The following LRFN2 variants were observed in gnomAD, a reference collection of about 807,000 sequenced individuals.
LRFN2 encodes leucine-rich repeat and fibronectin type-III domain-containing protein 2.
Under a neutral mutation model 37.3 loss-of-function variants are expected in LRFN2, and 18 were observed. The ratio of observed to expected loss-of-function variants is 0.48; its 90% CI spans 0.33 to 0.72. LRFN2 has a LOEUF of 0.72. Among genes scored for constraint, LRFN2 ranks in the 30% least tolerant of loss-of-function variants. LRFN2 has a pLI of 0.02. For synonymous variants in LRFN2, 556 were observed against 466.6 expected (o/e 1.19, Z -2.47); for missense variants, 1,006 against 1,060.7 (o/e 0.95, Z 0.72).
chr6:40,576,797 G>A (rs1458586005), intron 1 of LRFN2, among the ~76,000 whole-genome samples: 4 of 152,084 alleles, frequency 2.6e-5, no homozygotes, highest in Admixed American at 2.0e-4. Context: ...TGGCTGGGAG[G>A]CCTGGGCTTC....
intron 1 of LRFN2, among the ~76,000 whole-genome samples, chr6:40,505,757 C>G (rs1019376160): frequency 2.6e-5 from 4 of 152,186 alleles, no homozygotes; most frequent in African/African-American, 9.7e-5. Flanking sequence ...ACAGGTCTCA[C>G]CTATCTTCCC....
intron 1 of LRFN2, among the ~76,000 whole-genome samples, chr6:40,570,436 G>T (rs529916871): frequency 6.6e-6 from 1 of 152,278 alleles, no homozygotes; most frequent in East Asian, 1.9e-4. Context: ...GAGAGATAAA[G>T]CAACTTCCCC....
In LRFN2 at chr6:40,516,671, C is replaced by T. The variant is rs377702197; in HGVS notation, c.-19+70270G>A. ...AGTCCCACCTCCCTGACCTCATTCC[C>T]GCCACAGCTATCTCTCTCACACACC... On this transcript the variant is annotated intron_variant, in intron 1 of 2. Transcript: ENST00000338305. Among the ~76,000 whole-genome samples the T allele has an allele frequency of 1.1e-4, 17 of 152,298 alleles. No homozygotes were observed. The East Asian group carries it at 1.7e-3, about 16-fold the overall frequency.
intron 1 of LRFN2, among the ~76,000 whole-genome samples, chr6:40,490,005 C>T (rs1293514269): frequency 1.3e-5 from 2 of 152,176 alleles, no homozygotes; most frequent in Non-Finnish European, 2.9e-5. Flanking sequence ...TCTCTGCCTG[C>T]AGCAGAGGGA....
chr6:40,478,750 A>T (rs1764761981), intron 1 of LRFN2, among the ~76,000 whole-genome samples: 1 of 152,190 alleles, frequency 6.6e-6, no homozygotes, highest in Non-Finnish European at 1.5e-5. Flanking sequence ...CAATATGTGC[A>T]TGTGTGTATG....
chr6:40,501,891 CG>C (rs1765391226), intron 1 of LRFN2: 1 of 152,136 alleles, frequency 6.6e-6, no homozygotes. Context: ...CACGCATCCT[CG>C]GTAGCCTGAA....
At chr6:40,463,953 C>A (rs1472307863) in intron 1 of LRFN2, among the ~76,000 whole-genome samples, 2 of 152,172 alleles carry the variant, frequency 1.3e-5, no homozygotes, top group African/African-American at 4.8e-5. Flanking sequence ...TTTGCTCATG[C>A]CTCCTTTCCA....
chr6:40,482,967 G>GTC (rs997105948), intron 1 of LRFN2, among the ~76,000 whole-genome samples: 3 of 152,244 alleles, frequency 2.0e-5, no homozygotes, highest in African/African-American at 7.2e-5. Context: ...TGCAGCCACT[G>GTC]TCCCTCTGTT....
chr6:40,478,127 G>C lies in LRFN2; in HGVS notation c.-18-44996C>G, dbSNP rs190964213. On this transcript the variant is annotated intron_variant, in intron 1 of 2. Transcript: ENST00000338305. ...CCCTGCTATGCCAGGACGCACCCCT[G>C]CTGCCATCCTCTTCCTCTCAGATGG... Among the ~76,000 whole-genome samples, 241 of 152,216 alleles carry C rather than the reference G, an allele frequency of 1.6e-3. 1 individual carries two copies. The highest frequency in any genetic ancestry group is 1.5e-3 in the Non-Finnish European group (104 of 68,000).
At chr6:40,545,496 G>A (rs1766644102) in intron 1 of LRFN2, among the ~76,000 whole-genome samples, 1 of 152,228 alleles carries the variant, frequency 6.6e-6, no homozygotes, top group Non-Finnish European at 1.5e-5. Flanking sequence ...TCATGTTTAA[G>A]CACTGGGCCA....
chr6:40,413,732 G>C (rs1763025273), intron 2 of LRFN2, among the ~76,000 whole-genome samples: 1 of 152,182 alleles, frequency 6.6e-6, no homozygotes, highest in Admixed American at 6.5e-5. Flanking sequence ...CTTCAAAGCA[G>C]CCGTGGCTTT....
chr6:40,392,610 A>G lies in LRFN2; in HGVS notation c.1703T>C (p.Met568Thr), dbSNP rs879110583. ...GTACACATTGCTCACGGCCGCTGCC[A>G]TCTTGCTGGGGGCCTCGTGGTTGCA... Reference protein sequence around the residue: ...KVCNHEAPSKMAAAVSNVYSQ... With the variant: ...KVCNHEAPSKTAAAVSNVYSQ... The change falls in exon 3 of 3, where the codon ATG becomes ACG. Residue 568 changes from methionine (M) to threonine (T), a missense_variant. By Grantham distance (81) the Met-to-Thr change is moderately conservative. Around this residue, in one of 4 missense-constraint regions of LRFN2, gnomAD observed 398 missense variants for 327.6 expected, o/e 1.21. Coordinates refer to ENST00000338305, the MANE Select transcript of LRFN2 (RefSeq NM_020737.3). The surrounding 1 kb of genome is among the most constrained non-coding windows in gnomAD (Gnocchi z 4.7). 2 of 1,610,294 alleles carry G rather than the reference A, an allele frequency of 1.2e-6. No individual in the cohort carries two copies. Among genetic ancestry groups the G allele is most frequent in the Non-Finnish European group, 1.7e-6 (2 of 1,179,940 alleles).
intron 1 of LRFN2, among the ~76,000 whole-genome samples, chr6:40,498,965 C>T (rs1055285373): frequency 6.6e-6 from 1 of 152,218 alleles, no homozygotes; most frequent in Admixed American, 6.5e-5. Flanking sequence ...TCCTCAGACA[C>T]ACCCAGAAAG....
chr6:40,507,564 G>T lies in LRFN2; in HGVS notation c.-18-74433C>A, dbSNP rs530358014. ...CCCTGCTCTTAACCTCAGTGCCAAAGGGCCTTCTTTTTTAAGGTTGGGCAG... is the reference window on the plus strand; with the variant it reads ...CCCTGCTCTTAACCTCAGTGCCAAATGGCCTTCTTTTTTAAGGTTGGGCAG... On this transcript the variant is annotated intron_variant, in intron 1 of 2. Coordinates refer to ENST00000338305, the MANE Select transcript of LRFN2 (RefSeq NM_020737.3). Among the ~76,000 whole-genome samples the T allele has an allele frequency of 3.3e-5, 5 of 152,328 alleles. 1 individual carries two copies. The highest frequency in any genetic ancestry group is 7.3e-5 in the Non-Finnish European group (5 of 68,038).
Position 40,577,815 on chromosome 6 carries a change from TAAAAAAAA to T in LRFN2, c.-19+9118_-19+9125del, listed in dbSNP as rs1561914250. ...AATAAATAAATAAATAAATAAAAAT[TAAAAAAAA>T]TAAAAATAAATAAAAATAAAAGATC... On this transcript the variant is annotated intron_variant, in intron 1 of 2. Coordinates refer to ENST00000338305, the MANE Select transcript of LRFN2 (RefSeq NM_020737.3). Among the ~76,000 whole-genome samples, 13 of 47,136 alleles carry T rather than the reference TAAAAAAAA, an allele frequency of 2.8e-4. 1 individual carries two copies. The East Asian group carries it at 3.7e-3, about 13-fold the overall frequency. The allele number at this position is 47,136 out of a possible 152,430, so 30.9% of individuals were successfully genotyped here. A position where few individuals can be genotyped will look rare whatever the true frequency, so the allele number is the denominator to read the frequency against.
chr6:40,585,314 G>A (rs1042519254), intron 1 of LRFN2, among the ~76,000 whole-genome samples: 1 of 152,164 alleles, frequency 6.6e-6, no homozygotes, highest in African/African-American at 2.4e-5. Flanking sequence ...GGAGGCCAGA[G>A]GGAGATGCAA....
intron 1 of LRFN2, among the ~76,000 whole-genome samples, chr6:40,584,815 G>GTT (rs111498485): frequency 1.2e-4 from 18 of 145,332 alleles, no homozygotes; most frequent in African/African-American, 4.5e-4. Flanking sequence ...CAGAATCCCT[G>GTT]TTTTTTTTTT....
At chr6:40,573,110 T>C (rs141389343) in intron 1 of LRFN2, among the ~76,000 whole-genome samples, 1 of 152,238 alleles carries the variant, frequency 6.6e-6, no homozygotes, top group Non-Finnish European at 1.5e-5. Flanking sequence ...TGAGAACTCC[T>C]GATGAAATCT....
In LRFN2 at chr6:40,538,400, C is replaced by T. The variant is rs569828525; in HGVS notation, c.-19+48541G>A. On this transcript the variant is annotated intron_variant, in intron 1 of 2. Coordinates refer to ENST00000338305, the MANE Select transcript of LRFN2 (RefSeq NM_020737.3). Reference sequence around the variant, plus strand: ...AGCTCATTCCAGAGGTGGAAGCCACCCCCACCCCAGCTCAGGATTCCTGCA... The same window carrying T: ...AGCTCATTCCAGAGGTGGAAGCCACTCCCACCCCAGCTCAGGATTCCTGCA... Among the ~76,000 whole-genome samples the T allele has an allele frequency of 9.2e-5, 14 of 152,284 alleles. No individual in the cohort carries two copies. In the East Asian group the frequency reaches 2.3e-3, roughly 25 times the overall value.
Sources: gnomAD v4.1 joint callset for allele counts (sites outside exome capture counted in the v4.1 genomes callset) on GRCh38, gnomAD v4.1.1 for gene constraint, gnomAD v4.1.1 regional missense constraint, Gnocchi (gnomAD v3.1) non-coding constraint, MANE v1.5 for transcripts, NCBI Gene and HGNC (gene_info 2026-07-23, HGNC 2026-07-21) for gene names.